Variants in PGLYRP3 observed in about 807,000 individuals in gnomAD.
The protein encoded by PGLYRP3 is peptidoglycan recognition protein 3, also known as peptidoglycan recognition protein I alpha.
A neutral mutation model predicts 36.0 loss-of-function variants in PGLYRP3; 39 were observed. That is an observed-to-expected ratio of 1.08 (90% CI 0.84 to 1.41). PGLYRP3 has a LOEUF of 1.41. PGLYRP3 is among the 40% of genes most tolerant of loss of function. The pLI, the probability that PGLYRP3 is intolerant of heterozygous loss-of-function variation, is 0.00. For missense variants in PGLYRP3, 407 were observed against 427.9 expected, an observed-to-expected ratio of 0.95 and a Z score of 0.43; for synonymous variants, 204 against 172.8, an observed-to-expected ratio of 1.18 and a Z score of -1.42.
intron 2 of PGLYRP3, among the ~76,000 whole-genome samples, chr1:153,308,050 A>G (rs1205909658): frequency 6.7e-6 from 1 of 149,918 alleles, no homozygotes; most frequent in Non-Finnish European, 1.5e-5. Context: ...GCTGCAGTGC[A>G]GTGGCGCGAT....
rs1659478046 is a variant in PGLYRP3, at chr1:153,297,871, CA to C, written c.*84del. The C allele has an allele frequency of 3.5e-5, 52 of 1,466,400 alleles. No individual in the cohort carries two copies. Among genetic ancestry groups the C allele is most frequent in the Middle Eastern group, 2.3e-4 (1 of 4,442 alleles). 90.8% of individuals were successfully genotyped at this position (1,466,400 alleles called of 1,614,324 possible). A position where few individuals can be genotyped will look rare whatever the true frequency, so the allele number is the denominator to read the frequency against. ...GATGGGCTGGCAGGGGAGGGGGACA[CA>C]AGGTGCTGAGCCACCTTGGCTGGTG... On this transcript the variant is annotated 3_prime_UTR_variant, in exon 8 of 8. Transcript: ENST00000683862.
At chr1:153,310,748 G>T in intron 1 of PGLYRP3, 42 bp from the exon 2 acceptor site, 1 of 1,227,154 alleles carries the variant, frequency 8.1e-7, no homozygotes, top group Non-Finnish European at 1.2e-6. Context: ...TGCTAACTCT[G>T]CAAGTGGAGC....
At position 153,297,738 on chromosome 1, in the gene PGLYRP3, G is replaced by A. The variant is rs1001406820; in HGVS notation, c.*218C>T. On this transcript the variant is annotated 3_prime_UTR_variant, in exon 8 of 8. Coordinates refer to ENST00000683862, the MANE Select transcript of PGLYRP3 (RefSeq NM_052891.3). ...CAGGGGAGAGGTAGGTAAAAGAGAG[G>A]GGAAGTCTAAACTCAGACCAAGAGG... The A allele has an allele frequency of 3.4e-5, 17 of 493,904 alleles. 1 individual carries two copies. The highest frequency in any genetic ancestry group is 5.7e-5 in the Non-Finnish European group (16 of 279,266). The allele number at this position is 493,904 out of a possible 1,614,324, so 30.6% of individuals were successfully genotyped here. A position where few individuals can be genotyped will look rare whatever the true frequency, so the allele number is the denominator to read the frequency against.
intron 6 of PGLYRP3, 69 bp downstream of exon 6, chr1:153,302,340 C>T: frequency 6.6e-7 from 1 of 1,512,136 alleles, no homozygotes; most frequent in Non-Finnish European, 9.1e-7. Context: ...AACATCAGTT[C>T]CCTCCCACAG....
At chr1:153,306,745 G>A (rs536324049) in intron 3 of PGLYRP3, among the ~76,000 whole-genome samples, 6 of 152,268 alleles carry the variant, frequency 3.9e-5, no homozygotes, top group African/African-American at 1.2e-4. Context: ...GGGCCAAATC[G>A]GGTGATATTT....
In PGLYRP3 at chr1:153,297,469, AGAGAGAGT is replaced by A. The variant is rs1206582107; in HGVS notation, c.*479_*486del. Among the ~76,000 whole-genome samples the A allele has an allele frequency of 7.1e-6, 1 of 139,994 alleles. No homozygotes were observed. The highest frequency in any genetic ancestry group is 2.2e-4 in the East Asian group (1 of 4,576). 91.8% of individuals were successfully genotyped at this position (139,994 alleles called of 152,430 possible). On this transcript the variant is annotated 3_prime_UTR_variant, in exon 8 of 8. Transcript: ENST00000683862. ...GAGAGGGGGAGAGAGAGAGAGAGAG[AGAGAGAGT>A]GAGAAAGCAAGAAAGAAGGTGAAAG...
At position 153,301,574 on chromosome 1, in the gene PGLYRP3, G is replaced by A. The variant is rs569978411; in HGVS notation, c.728+835C>T. 7.7e-4 allele frequency among the ~76,000 whole-genome samples: 117 copies of A among 152,316 alleles called. 1 individual carries two copies. The South Asian group carries it at 0.018, about 23-fold the overall frequency. Reference sequence around the variant, plus strand: ...TACCTGTGCTAAATAACCATAGAAAGCCTATGGAAAATCCTGCAAAGTGAA... The same window carrying A: ...TACCTGTGCTAAATAACCATAGAAAACCTATGGAAAATCCTGCAAAGTGAA... On this transcript the variant is annotated intron_variant, in intron 6 of 7. Transcript: ENST00000683862.
chr1:153,312,625 A>ACACACACT lies in PGLYRP3; in HGVS notation c.-42+17_-42+18insAGTGTGTG, dbSNP rs1181547995. ...AATACACACACACACACACACACAC[A>ACACACACT]CTCAAACTCACAGATACCTGTGGGT... On this transcript the variant is annotated intron_variant, in intron 1 of 7. Transcript: ENST00000683862. Among the ~76,000 whole-genome samples the ACACACACT allele has an allele frequency of 6.6e-6, 1 of 151,602 alleles. No homozygotes were observed. Among genetic ancestry groups the ACACACACT allele is most frequent in the Non-Finnish European group, 1.5e-5 (1 of 67,876 alleles).
chr1:153,305,520 A>G (rs964271429), intron 3 of PGLYRP3, among the ~76,000 whole-genome samples: 4 of 152,196 alleles, frequency 2.6e-5, no homozygotes, highest in African/African-American at 9.7e-5. Context: ...GCTCTTCTTT[A>G]TCATAGAAAT....
chr1:153,297,871 C>A lies in PGLYRP3; in HGVS notation c.*85G>T. The A allele has an allele frequency of 2.0e-6, 3 of 1,466,402 alleles. No individual in the cohort carries two copies. The highest frequency in any genetic ancestry group is 1.4e-5 in the African/African-American group (1 of 71,532). 90.8% of individuals were successfully genotyped at this position (1,466,402 alleles called of 1,614,324 possible). A position where few individuals can be genotyped will look rare whatever the true frequency, so the allele number is the denominator to read the frequency against. ...GATGGGCTGGCAGGGGAGGGGGACA[C>A]AAGGTGCTGAGCCACCTTGGCTGGT... On this transcript the variant is annotated 3_prime_UTR_variant, in exon 8 of 8. Coordinates refer to ENST00000683862, the MANE Select transcript of PGLYRP3 (RefSeq NM_052891.3).
At chr1:153,309,510 C>T (rs1659844324) in intron 2 of PGLYRP3, among the ~76,000 whole-genome samples, 1 of 152,202 alleles carries the variant, frequency 6.6e-6, no homozygotes, top group South Asian at 2.1e-4. Context: ...GTTTCTCTTC[C>T]TACAAGACAA....
chr1:153,301,268 T>A (rs1571100698), intron 6 of PGLYRP3, among the ~76,000 whole-genome samples: 1 of 152,182 alleles, frequency 6.6e-6, no homozygotes, highest in African/African-American at 2.4e-5. Context: ...GTTAGATTGA[T>A]ATATCTCGTC....
Position 153,307,202 on chromosome 1 carries a change from T to A in PGLYRP3, c.121A>T (p.Thr41Ser). ...GTGATGATGTAGGCCACAGGCAGGG[T>A]CAGCAGGGCCCTGCAGGCGAGCGGT... Reference protein sequence around the residue: ...ARPLACRALLTLPVAYIITDQ... With the variant: ...ARPLACRALLSLPVAYIITDQ... The change falls in exon 3 of 8, where the codon ACC becomes TCC. Residue 41 changes from threonine (T) to serine (S), a missense_variant. By Grantham distance (58) the Thr-to-Ser change is moderately conservative. Coordinates refer to ENST00000683862, the MANE Select transcript of PGLYRP3 (RefSeq NM_052891.3). 5.0e-6 allele frequency: 8 copies of A among 1,611,956 alleles called. No homozygotes were observed. The highest frequency in any genetic ancestry group is 5.9e-6 in the Non-Finnish European group (7 of 1,179,246).
Position 153,305,040 on chromosome 1 carries a change from C to A in PGLYRP3, c.283G>T (p.Val95Leu), listed in dbSNP as rs1163238755. The A allele has an allele frequency of 1.2e-6, 2 of 1,613,102 alleles. No individual in the cohort carries two copies. Among genetic ancestry groups the A allele is most frequent in the Non-Finnish European group, 1.7e-6 (2 of 1,179,572 alleles). Reference sequence around the variant, plus strand: ...ATGTTCCAGCCAACACCTTCATACACCCTGCCATCATCCCCAACCAGGAAG... The same window carrying A: ...ATGTTCCAGCCAACACCTTCATACAACCTGCCATCATCCCCAACCAGGAAG... Reference protein sequence around the residue: ...YNFLVGDDGRVYEGVGWNIQG... With the variant: ...YNFLVGDDGRLYEGVGWNIQG... Residue 95 changes from valine to leucine, a missense_variant, in exon 4 of 8, where the codon GTG becomes TTG. Val to Leu is a conservative substitution (Grantham distance 32). Transcript: ENST00000683862.
chr1:153,312,250 C>A (rs1033782471), intron 1 of PGLYRP3, among the ~76,000 whole-genome samples: 1 of 152,202 alleles, frequency 6.6e-6, no homozygotes, highest in African/African-American at 2.4e-5. Flanking sequence ...AAACACTAAG[C>A]TGGTAGGATA....
intron 3 of PGLYRP3, among the ~76,000 whole-genome samples, chr1:153,306,501 G>A (rs974572192): frequency 2.0e-5 from 3 of 152,164 alleles, no homozygotes; most frequent in African/African-American, 7.2e-5. Flanking sequence ...TGGGGTCCCC[G>A]GACTTGCTGT....
At position 153,297,901 on chromosome 1, in the gene PGLYRP3, G is replaced by T. The variant is rs1659479505; in HGVS notation, c.*55C>A. 1.9e-6 allele frequency: 3 copies of T among 1,589,846 alleles called. No homozygotes were observed. The highest frequency in any genetic ancestry group is 2.6e-6 in the Non-Finnish European group (3 of 1,164,710). On this transcript the variant is annotated 3_prime_UTR_variant, in exon 8 of 8. Transcript: ENST00000683862. ...TGCTGAGCCACCTTGGCTGGTGAGG[G>T]TTGGAGAGACCCAGCAGGGGAGGGA...
chr1:153,299,087 C>T (rs771246574), intron 7 of PGLYRP3, 26 bp downstream of exon 7: 15 of 1,587,672 alleles, frequency 9.4e-6, no homozygotes, highest in Non-Finnish European at 1.2e-5. Context: ...CCCCCAGCAC[C>T]CCTCTACCCC....
intron 6 of PGLYRP3, among the ~76,000 whole-genome samples, chr1:153,300,585 A>C (rs1436855700): frequency 6.6e-6 from 1 of 152,220 alleles, no homozygotes; most frequent in Non-Finnish European, 1.5e-5. Flanking sequence ...GACTCTCTGA[A>C]GGACTCTTAC....
Sources: allele counts gnomAD v4.1 joint callset (sites outside exome capture counted in the v4.1 genomes callset), GRCh38; gene constraint gnomAD v4.1.1; transcripts MANE v1.5; gene names NCBI Gene and HGNC (gene_info 2026-07-23, HGNC 2026-07-21).